Variants in FANK1 observed in about 807,000 individuals in gnomAD.
FANK1 encodes fibronectin type 3 and ankyrin repeat domains protein 1.
A neutral mutation model predicts 45.3 loss-of-function variants in FANK1; 44 were observed. The observed-to-expected ratio is 0.97, with a 90% CI of 0.76 to 1.25. The LOEUF (loss-of-function observed/expected upper bound fraction) is 1.25. Among genes scored for constraint, FANK1 ranks in the 50% most tolerant of loss-of-function variants. FANK1 has a pLI of 0.00. For missense variants in FANK1, 391 were observed against 424.4 expected, an observed-to-expected ratio of 0.92 and a Z score of 0.69; for synonymous variants, 149 against 152.5, an observed-to-expected ratio of 0.98 and a Z score of 0.17.
chr10:125,938,079 A>G (rs1948214413), intron 1 of FANK1, among the ~76,000 whole-genome samples: 1 of 152,210 alleles, frequency 6.6e-6, no homozygotes. Context: ...TATTCTAAAG[A>G]CACAGACCGT....
In FANK1 at chr10:125,983,001, C is replaced by T. The variant is rs909184952; in HGVS notation, c.191+2663C>T. 6.6e-6 allele frequency among the ~76,000 whole-genome samples: 1 copy of T among 151,780 alleles called. No homozygotes were observed. The highest frequency in any genetic ancestry group is 2.4e-5 in the African/African-American group (1 of 41,286). On this transcript the variant is annotated intron_variant, in intron 2 of 10. Coordinates refer to ENST00000368693, the MANE Select transcript of FANK1 (RefSeq NM_145235.5). This position sits in a 1 kb window ranked among gnomAD's most constrained non-coding sequence, Gnocchi z 4.3. Reference sequence around the variant, plus strand: ...TGTCACATTGTCTTTGGTGGGTCCTCCATTGCTTAAAGGATAAAGGCCAAA... The same window carrying T: ...TGTCACATTGTCTTTGGTGGGTCCTTCATTGCTTAAAGGATAAAGGCCAAA...
At chr10:125,903,770 A>G (rs898724931) in intron 1 of FANK1, among the ~76,000 whole-genome samples, 2 of 152,070 alleles carry the variant, frequency 1.3e-5, no homozygotes, top group African/African-American at 4.8e-5. Flanking sequence ...TGAAACTAGC[A>G]TTGCTAGTTT....
At chr10:125,936,469 A>G (rs941643343) in intron 1 of FANK1, among the ~76,000 whole-genome samples, 1 of 149,854 alleles carries the variant, frequency 6.7e-6, no homozygotes, top group Non-Finnish European at 1.5e-5. Context: ...CCACAACCCC[A>G]GAAGTACCTC....
chr10:125,975,522 A>G (rs575477750), intron 1 of FANK1, among the ~76,000 whole-genome samples: 2 of 152,238 alleles, frequency 1.3e-5, no homozygotes, highest in East Asian at 3.9e-4. Flanking sequence ...GCTTTTTAAT[A>G]ATGGCCATTC....
chr10:125,953,711 C>T, intron 1 of FANK1, among the ~76,000 whole-genome samples: 1 of 152,158 alleles, frequency 6.6e-6, no homozygotes, highest in African/African-American at 2.4e-5. Context: ...AGAGCTACAA[C>T]TCCAAATTCA....
chr10:125,945,639 G>A (rs2134159007), intron 1 of FANK1, among the ~76,000 whole-genome samples: 1 of 152,330 alleles, frequency 6.6e-6, no homozygotes, highest in East Asian at 1.9e-4. Flanking sequence ...ACAGCAGTCT[G>A]AGATCAAACT....
At chr10:125,980,922 C>G (rs1951165669) in intron 2 of FANK1, 2 of 152,834 alleles carry the variant, frequency 1.3e-5, no homozygotes, top group Admixed American at 1.3e-4. Context: ...AAGTAGCCAT[C>G]CTTTCATGCA....
intron 2 of FANK1, among the ~76,000 whole-genome samples, chr10:125,986,727 A>G (rs949132845): frequency 3.3e-5 from 5 of 152,206 alleles, no homozygotes; most frequent in Non-Finnish European, 5.9e-5. Flanking sequence ...ACCAGAGGAC[A>G]CTGTCCTGGC....
intron 1 of FANK1, among the ~76,000 whole-genome samples, chr10:125,956,688 T>C (rs1949598177): frequency 6.6e-6 from 1 of 152,184 alleles, no homozygotes. Flanking sequence ...CATTGTGTGG[T>C]AACCTGTGAG....
intron 1 of FANK1, among the ~76,000 whole-genome samples, chr10:125,964,101 T>G (rs1950076852): frequency 6.6e-6 from 1 of 152,186 alleles, no homozygotes; most frequent in East Asian, 1.9e-4. Context: ...GACAAAATTA[T>G]TTTTCTTTCA....
chr10:125,926,676 G>T (rs79190902), intron 1 of FANK1, among the ~76,000 whole-genome samples: 12 of 118,836 alleles, frequency 1.0e-4, no homozygotes, highest in African/African-American at 3.2e-4. Flanking sequence ...TGTTTTATAC[G>T]TTTCACGTTT....
chr10:125,929,898 G>A (rs1047848717), intron 1 of FANK1, among the ~76,000 whole-genome samples: 6 of 152,210 alleles, frequency 3.9e-5, no homozygotes, highest in Non-Finnish European at 8.8e-5. Context: ...GGCAATTTAC[G>A]GCATACACCT....
chr10:125,916,634 A>G (rs1946470205), intron 1 of FANK1, among the ~76,000 whole-genome samples: 1 of 152,250 alleles, frequency 6.6e-6, no homozygotes, highest in Non-Finnish European at 1.5e-5. Flanking sequence ...GTAGAATACT[A>G]TTCAGCCTTA....
At chr10:125,981,160 T>C (rs541292408) in intron 2 of FANK1, among the ~76,000 whole-genome samples, 44 of 152,338 alleles carry the variant, frequency 2.9e-4, no homozygotes, top group African/African-American at 1.0e-3. Flanking sequence ...GGCTGTTATA[T>C]AGCAGGCCTT....
At chr10:125,929,977 A>G (rs1468804528) in intron 1 of FANK1, among the ~76,000 whole-genome samples, 1 of 152,064 alleles carries the variant, frequency 6.6e-6, no homozygotes, top group African/African-American at 2.4e-5. Flanking sequence ...TCCAGACCCT[A>G]TTTTCCTGCC....
chr10:125,929,424 G>GC (rs1234117080), intron 1 of FANK1, among the ~76,000 whole-genome samples: 3 of 152,324 alleles, frequency 2.0e-5, no homozygotes, highest in Non-Finnish European at 4.4e-5. Flanking sequence ...ACAGACAACA[G>GC]CATTCCTCCT....
At chr10:125,973,617 T>G (rs1333217382) in intron 1 of FANK1, 2 of 187,788 alleles carry the variant, frequency 1.1e-5, no homozygotes, top group Non-Finnish European at 2.0e-5. Flanking sequence ...TTGATTTTTA[T>G]GGTTATTTTT....
chr10:125,928,486 C>G (rs1947530758), intron 1 of FANK1, among the ~76,000 whole-genome samples: 1 of 152,088 alleles, frequency 6.6e-6, no homozygotes, highest in Non-Finnish European at 1.5e-5. Context: ...CCTATTTCAT[C>G]CTATAACTAA....
intron 7 of FANK1, 64 bp downstream of exon 7, chr10:126,005,113 G>A: frequency 6.5e-7 from 1 of 1,542,592 alleles, no homozygotes; most frequent in Non-Finnish European, 8.8e-7. Flanking sequence ...GCTCCATGGG[G>A]TCTGGCAGAA....
Sources: allele counts gnomAD v4.1 joint callset (sites outside exome capture counted in the v4.1 genomes callset), GRCh38; gene constraint gnomAD v4.1.1; non-coding constraint Gnocchi (gnomAD v3.1); transcripts MANE v1.5; gene names NCBI Gene and HGNC (gene_info 2026-07-23, HGNC 2026-07-21).